The following ATXN7L1 variants were observed in gnomAD, a reference collection of about 807,000 sequenced individuals.
The protein encoded by ATXN7L1 is ataxin 7 like 1, also known as ataxin-7-like protein 1.
Under a neutral mutation model 70.8 loss-of-function variants are expected in ATXN7L1, and 15 were observed. The ratio of observed to expected loss-of-function variants is 0.21; its 90% CI spans 0.14 to 0.33. The LOEUF (loss-of-function observed/expected upper bound fraction) is 0.33. ATXN7L1 is among the 10% of genes least tolerant of loss of function. ATXN7L1 has a pLI of 1.00. For missense variants in ATXN7L1, 975 were observed against 1,097.1 expected (o/e 0.89, Z 1.57); for synonymous variants, 440 against 445.1 (o/e 0.99, Z 0.14).
chr7:105,675,614 A>AC (rs1297210929), intron 3 of ATXN7L1, among the ~76,000 whole-genome samples: 1 of 151,472 alleles, frequency 6.6e-6, no homozygotes, highest in Non-Finnish European at 1.5e-5. Context: ...ACAGAATGAG[A>AC]CCCCATCTCA....
intron 4 of ATXN7L1, among the ~76,000 whole-genome samples, chr7:105,657,960 G>A (rs1167928891): frequency 6.6e-6 from 1 of 152,068 alleles, no homozygotes; most frequent in South Asian, 2.1e-4. Context: ...ATTGAGATGT[G>A]CTGTAAGTGT....
At chr7:105,651,327 T>C (rs1029104884) in intron 4 of ATXN7L1, among the ~76,000 whole-genome samples, 5 of 152,232 alleles carry the variant, frequency 3.3e-5, no homozygotes, top group Non-Finnish European at 4.4e-5. Context: ...GTGCTTAGCA[T>C]AGTGCCAGGC....
intron 1 of ATXN7L1, 94 bp downstream of exon 1, chr7:105,876,282 ACT>A (rs1217449397): frequency 1.4e-5 from 19 of 1,386,408 alleles, no homozygotes; most frequent in East Asian, 2.5e-5. Context: ...ACCGGGGGCC[ACT>A]CTCTCTCTCA....
intron 2 of ATXN7L1, among the ~76,000 whole-genome samples, chr7:105,815,015 G>C (rs1585067657): frequency 6.6e-6 from 1 of 152,266 alleles, no homozygotes; most frequent in African/African-American, 2.4e-5. Context: ...CAGTGGATGG[G>C]ACTAGTCCTT....
At chr7:105,659,649 G>A (rs747050728) in intron 4 of ATXN7L1, among the ~76,000 whole-genome samples, 1 of 152,084 alleles carries the variant, frequency 6.6e-6, no homozygotes, top group Non-Finnish European at 1.5e-5. Context: ...TGGAGACACC[G>A]GGCTTAGCAG....
rs545188855 is a variant in ATXN7L1 at position 105,780,637 on chromosome 7, A to G, written c.355+7967T>C. On this transcript the variant is annotated intron_variant, in intron 3 of 11. Transcript: ENST00000419735. ...TGTGCAGCCGTATGGCCTTCTGCTG[A>G]GAGGACTAGTGCCAAGTGTGGCAGA... Among the ~76,000 whole-genome samples the G allele has an allele frequency of 4.6e-5, 7 of 151,942 alleles. No individual in the cohort carries two copies. In the South Asian group the frequency reaches 1.5e-3, roughly 32 times the overall value.
At chr7:105,816,841 C>T (rs1351303179) in intron 2 of ATXN7L1, among the ~76,000 whole-genome samples, 8 of 152,234 alleles carry the variant, frequency 5.3e-5, no homozygotes, top group Non-Finnish European at 1.0e-4. Context: ...TGACAGCTGT[C>T]ACAAACACTG....
chr7:105,642,920 G>A lies in ATXN7L1; in HGVS notation c.780C>T (p.Gly260=). ...VPPSPEKILN[G]KGILPTTIDK... The stretch of plus-strand genomic sequence containing the variant: ...CTATGGTGGTTGGCAGAATTCCTTT[G>A]CCATTTAAGATCTTCTCTGGTGAAG... The change falls in exon 5 of 12, where the codon GGC becomes GGT. Residue 260 remains glycine (G), a synonymous_variant. Coordinates refer to ENST00000419735, the MANE Select transcript of ATXN7L1 (RefSeq NM_020725.2). 2.6e-6 allele frequency: 4 copies of A among 1,551,652 alleles called. No homozygotes were observed. The highest frequency in any genetic ancestry group is 3.5e-6 in the Non-Finnish European group (4 of 1,146,986).
At position 105,740,769 on chromosome 7, in the gene ATXN7L1, ATT is replaced by A. The variant is rs1235457353; in HGVS notation, c.355+47833_355+47834del. Reference sequence around the variant, plus strand: ...TGCTCAGTCAAAGGTGGCTCCATTCATTTTTTTTTTTTTTTAATGGAGTCTCA... The same window carrying A: ...TGCTCAGTCAAAGGTGGCTCCATTCATTTTTTTTTTTTTAATGGAGTCTCA... On this transcript the variant is annotated intron_variant, in intron 3 of 11. Transcript: ENST00000419735. Among the ~76,000 whole-genome samples the A allele has an allele frequency of 2.6e-4, 22 of 85,618 alleles. 1 individual carries two copies. The highest frequency in any genetic ancestry group is 3.8e-4 in the Admixed American group (3 of 7,946). 56.2% of individuals were successfully genotyped at this position (85,618 alleles called of 152,430 possible).
chr7:105,649,277 T>C, intron 4 of ATXN7L1: 4 of 800,992 alleles, frequency 5.0e-6, no homozygotes, highest in Non-Finnish European at 6.0e-6. Flanking sequence ...CCTGTTCCCC[T>C]GCTGTGTCTA....
chr7:105,821,061 C>T lies in ATXN7L1; in HGVS notation c.251-32353G>A, dbSNP rs181106159. On this transcript the variant is annotated intron_variant, in intron 2 of 11. Transcript: ENST00000419735. ...TGTTGCTGTTGTTTGTTTTTTCAGA[C>T]GGAGTTTTGCTCTTGTTGCCCAGGC... Among the ~76,000 whole-genome samples, 260 of 152,174 alleles carry T rather than the reference C, an allele frequency of 1.7e-3. 1 individual carries two copies. The highest frequency in any genetic ancestry group is 0.014 in the Middle Eastern group (4 of 294).
intron 2 of ATXN7L1, among the ~76,000 whole-genome samples, chr7:105,865,423 A>G (rs1817259589): frequency 6.7e-6 from 1 of 150,016 alleles, no homozygotes; most frequent in African/African-American, 2.5e-5. Flanking sequence ...TTTTTTTGAG[A>G]CAGAGTCTCG....
chr7:105,852,541 C>T (rs558272346), intron 2 of ATXN7L1, among the ~76,000 whole-genome samples: 131 of 152,162 alleles, frequency 8.6e-4, no homozygotes, highest in Non-Finnish European at 1.4e-3. Flanking sequence ...GCACAGGGGG[C>T]GCACAGTTTG....
chr7:105,711,701 C>T (rs1301006498), intron 3 of ATXN7L1, among the ~76,000 whole-genome samples: 1 of 152,224 alleles, frequency 6.6e-6, no homozygotes, highest in African/African-American at 2.4e-5. Context: ...GGGTACAACC[C>T]CTACGGCTAC....
intron 4 of ATXN7L1, among the ~76,000 whole-genome samples, chr7:105,650,251 C>G (rs974789140): frequency 2.0e-5 from 3 of 152,210 alleles, no homozygotes; most frequent in African/African-American, 7.2e-5. Context: ...ACAGTTGATA[C>G]TGCATAAATC....
At chr7:105,650,645 C>T (rs908026843) in intron 4 of ATXN7L1, among the ~76,000 whole-genome samples, 2 of 152,252 alleles carry the variant, frequency 1.3e-5, no homozygotes, top group Non-Finnish European at 2.9e-5. Context: ...ATGCAGAGCT[C>T]GACAGGGACC....
At chr7:105,847,523 C>A (rs562201544) in intron 2 of ATXN7L1, among the ~76,000 whole-genome samples, 6 of 152,148 alleles carry the variant, frequency 3.9e-5, no homozygotes, top group Non-Finnish European at 7.3e-5. Context: ...TCTTCTAGAG[C>A]CAACCAACAG....
chr7:105,705,014 T>TTTTATTTA lies in ATXN7L1; in HGVS notation c.356-39734_356-39727dup, dbSNP rs377314818. ...TCAGTTTTGTAGAGATTATTTTTTA[T>TTTTATTTA]TTTATTTATTTATTTATTTATTTAT... On this transcript the variant is annotated intron_variant, in intron 3 of 11. Coordinates refer to ENST00000419735, the MANE Select transcript of ATXN7L1 (RefSeq NM_020725.2). Among the ~76,000 whole-genome samples the TTTTATTTA allele has an allele frequency of 3.2e-4, 49 of 151,450 alleles. 1 individual carries two copies. The East Asian group carries it at 4.9e-3, about 15-fold the overall frequency.
At chr7:105,689,893 C>T (rs1217217195) in intron 3 of ATXN7L1, among the ~76,000 whole-genome samples, 1 of 152,204 alleles carries the variant, frequency 6.6e-6, no homozygotes, top group African/African-American at 2.4e-5. Flanking sequence ...ACTTGGCCCC[C>T]ACCAGCTCAG....
Sources: allele counts gnomAD v4.1 joint callset (sites outside exome capture counted in the v4.1 genomes callset), GRCh38; gene constraint gnomAD v4.1.1; transcripts MANE v1.5; gene names NCBI Gene and HGNC (gene_info 2026-07-23, HGNC 2026-07-21).